The following SMIM27 variants were observed in gnomAD, a reference collection of about 807,000 sequenced individuals.
SMIM27 encodes transition zone microprotein 1, also known as TOPORS antisense RNA 1 (non-protein coding).
Under a neutral mutation model 1.8 loss-of-function variants are expected in SMIM27, and 3 were observed. The ratio of observed to expected loss-of-function variants is 1.65; its 90% CI spans 0.75 to 4.28. The LOEUF (loss-of-function observed/expected upper bound fraction) is 4.28, where lower values mean the gene tolerates loss of function less well. Ranked by LOEUF, SMIM27 falls within the 30% of genes most tolerant of loss-of-function variation. The pLI is 0.02. For synonymous variants in SMIM27, 19 were observed against 13.9 expected, an observed-to-expected ratio of 1.37 and a Z score of -0.82; for missense variants, 63 against 37.0, an observed-to-expected ratio of 1.70 and a Z score of -1.83.
chr9:32,566,796 A>C (rs1056192880), exon 2 of SMIM27: 1 of 904,430 alleles, frequency 1.1e-6, no homozygotes, highest in Non-Finnish European at 1.8e-6. Context: ...GTTGTACAGG[A>C]GGTCGGCCAG....
At chr9:32,565,103 G>A (rs1335270250) in intron 1 of SMIM27, among the ~76,000 whole-genome samples, 2 of 151,892 alleles carry the variant, frequency 1.3e-5, no homozygotes, top group East Asian at 3.9e-4. Flanking sequence ...GACCAGCCTG[G>A]CCAACATGGC....
intron 1 of SMIM27, among the ~76,000 whole-genome samples, chr9:32,560,006 G>C (rs80294852): frequency 6.6e-6 from 1 of 152,294 alleles, no homozygotes; most frequent in African/African-American, 2.4e-5. Context: ...ATGATATGAG[G>C]CATAGAGAAC....
At chr9:32,565,118 C>T (rs1821743348) in intron 1 of SMIM27, among the ~76,000 whole-genome samples, 1 of 152,162 alleles carries the variant, frequency 6.6e-6, no homozygotes, top group South Asian at 2.1e-4. Context: ...CATGGCAAAA[C>T]CTCATCTCTG....
Position 32,564,375 on chromosome 9 carries a change from A to G in SMIM27, c.46-2016A>G, listed in dbSNP as rs1018764044. Among the ~76,000 whole-genome samples the G allele has an allele frequency of 2.6e-5, 4 of 152,060 alleles. No individual in the cohort carries two copies. The South Asian group carries it at 6.2e-4, about 24-fold the overall frequency. On this transcript the variant is annotated intron_variant, in intron 1 of 1. Coordinates refer to the SMIM27 transcript ENST00000451672. ...CTTTGCTTTACTGCACTTCACATAT[A>G]TTGTGTTTTCTTATAAATAGAAGGT...
intron 1 of SMIM27, among the ~76,000 whole-genome samples, chr9:32,559,768 C>G (rs1261794401): frequency 6.6e-6 from 1 of 152,104 alleles, no homozygotes; most frequent in Non-Finnish European, 1.5e-5. Context: ...ACTTGTTCTC[C>G]TATAACATTA....
intron 1 of SMIM27, among the ~76,000 whole-genome samples, chr9:32,558,362 T>C (rs1003365571): frequency 8.5e-5 from 13 of 152,172 alleles, no homozygotes; most frequent in Admixed American, 2.6e-4. Context: ...CCACCCATCT[T>C]GGCCTCCCAA....
rs768116731 is a variant in SMIM27 at position 32,552,457 on chromosome 9, C to T, written c.23C>T (p.Thr8Met). 1.9e-6 allele frequency: 3 copies of T among 1,603,160 alleles called. No homozygotes were observed. The highest frequency in any genetic ancestry group is 1.1e-5 in the South Asian group (1 of 89,226). The change falls in exon 1 of 2, where the codon ACG becomes ATG. Residue 8 changes from threonine (T) to methionine (M), a missense_variant. Coordinates refer to ENST00000692500, the MANE Select transcript of SMIM27 (RefSeq NM_001387564.1). ...ACCATGAAGCCAGTAAGTCGTCGCA[C>T]GCTGGACTGGATTTATTCAGTGGTA... The part of the protein sequence containing the change: MKPVSRR[T>M]LDWIYSVLLL...
intron 1 of SMIM27, among the ~76,000 whole-genome samples, chr9:32,560,140 G>A (rs540332220): frequency 6.6e-6 from 1 of 152,314 alleles, no homozygotes; most frequent in African/African-American, 2.4e-5. Context: ...GCAAAGGAGT[G>A]AGCTGAAGCA....
chr9:32,563,491 C>CTTTTTTTTTTTT (rs111646430), intron 1 of SMIM27, among the ~76,000 whole-genome samples: 2,594 of 91,338 alleles, frequency 0.028, 291 homozygotes, highest in East Asian at 0.1. Flanking sequence ...GACTATTGGG[C>CTTTTTTTTTTTT]TTTTTTTTTT....
intron 1 of SMIM27, among the ~76,000 whole-genome samples, chr9:32,558,746 GT>G (rs142936680): frequency 1.3e-5 from 2 of 150,774 alleles, no homozygotes; most frequent in Non-Finnish European, 3.0e-5. Flanking sequence ...ATTTCTTCCT[GT>G]TTTTTTTTGT....
At chr9:32,566,336 T>C in intron 1 of SMIM27, 2 of 1,173,630 alleles carry the variant, frequency 1.7e-6, no homozygotes, top group African/African-American at 1.5e-5. Context: ...GTTCTTTAAC[T>C]GCTTCCACCA....
At chr9:32,564,510 C>CT (rs879697635) in intron 1 of SMIM27, among the ~76,000 whole-genome samples, 16 of 95,062 alleles carry the variant, frequency 1.7e-4, no homozygotes, top group African/African-American at 6.7e-4. Context: ...AAATATTACA[C>CT]TTTTTTAAAA....
intron 1 of SMIM27, among the ~76,000 whole-genome samples, chr9:32,565,986 A>G (rs1475542878): frequency 1.3e-5 from 2 of 152,132 alleles, no homozygotes; most frequent in Non-Finnish European, 2.9e-5. Flanking sequence ...AAAACAAACA[A>G]ACAAACAATG....
intron 1 of SMIM27, among the ~76,000 whole-genome samples, chr9:32,562,544 TTC>T (rs1821655707): frequency 6.6e-6 from 1 of 152,236 alleles, no homozygotes; most frequent in Non-Finnish European, 1.5e-5. Flanking sequence ...AGTCCTTAAC[TTC>T]TGTCTTTATT....
At chr9:32,566,856 G>A (rs1355513068) in exon 2 of SMIM27, 22 of 755,516 alleles carry the variant, frequency 2.9e-5, no homozygotes, top group Admixed American at 1.2e-4. Flanking sequence ...GCTGCCGGGC[G>A]GCCTGGATGA....
chr9:32,559,485 G>A (rs901443823), intron 1 of SMIM27, among the ~76,000 whole-genome samples: 3 of 152,126 alleles, frequency 2.0e-5, no homozygotes, highest in Admixed American at 1.3e-4. Context: ...ATAATTCTTA[G>A]AGAAAAAGCC....
At chr9:32,560,978 T>C (rs989035073) in intron 1 of SMIM27, among the ~76,000 whole-genome samples, 2 of 152,252 alleles carry the variant, frequency 1.3e-5, no homozygotes, top group Non-Finnish European at 2.9e-5. Context: ...AAACTTTCAC[T>C]GACAGAAAGT....
chr9:32,553,167 G>T, downstream of SMIM27: 13 of 354,112 alleles, frequency 3.7e-5, no homozygotes, highest in South Asian at 3.1e-4. Context: ...TTTCAATCAA[G>T]TTTCTAAATT....
chr9:32,553,836 A>G (rs777776611), downstream of SMIM27: 4 of 1,327,618 alleles, frequency 3.0e-6, no homozygotes, highest in Non-Finnish European at 4.3e-6. Flanking sequence ...ATATAGGAAC[A>G]AACTTAGGCT....
Sources: gnomAD v4.1 joint callset for allele counts (sites outside exome capture counted in the v4.1 genomes callset) on GRCh38, gnomAD v4.1.1 for gene constraint, MANE v1.5 for transcripts, NCBI Gene and HGNC (gene_info 2026-07-23, HGNC 2026-07-21) for gene names.